Variants in DNAH11 observed in about 807,000 individuals in gnomAD.
DNAH11 encodes dynein axonemal heavy chain 11.
DNAH11 carries 442 observed loss-of-function variants against 526.0 expected under a neutral mutation model. That is an observed-to-expected ratio of 0.84 (90% confidence interval 0.78 to 0.91). The LOEUF (loss-of-function observed/expected upper bound fraction) is 0.91. Ranked by LOEUF, DNAH11 falls within the 40% of genes least tolerant of loss-of-function variation. DNAH11 has a pLI of 0.00. For missense variants in DNAH11, 6,989 were observed against 5,448.7 expected (o/e 1.28, Z -8.90); for synonymous variants, 2,461 against 1,935.9 (o/e 1.27, Z -7.12).
Position 21,601,020 on chromosome 7 carries a change from A to T in DNAH11, c.3266A>T (p.Tyr1089Phe). 1.2e-6 allele frequency: 2 copies of T among 1,610,906 alleles called. No homozygotes were observed. Among genetic ancestry groups the T allele is most frequent in the South Asian group, 2.2e-5 (2 of 89,948 alleles). ...TTTTTCTCACTACAGATTGACATTT[A>T]TGAAGCTTTGTATGTTCAAATGAGC... is the stretch of plus-strand genomic sequence containing the variant. The part of the protein sequence containing the change: ...LEQFKEQIDI[Y>F]EALYVQMSKF... The change falls in exon 17 of 82, where the codon TAT (tyrosine) becomes TTT (phenylalanine). Residue 1089 changes from tyrosine (Y) to phenylalanine (F), a missense_variant. Transcript: ENST00000409508.
In DNAH11 at chr7:21,816,557, A is replaced by G; in HGVS notation, c.10423A>G (p.Ser3475Gly). 6.2e-7 allele frequency: 1 copy of G among 1,613,320 alleles called. No homozygotes were observed. The highest frequency in any genetic ancestry group is 8.5e-7 in the Non-Finnish European group (1 of 1,179,714). Reference protein sequence around the residue: ...IAAWNNEGLPSDRMSTENAAI... With the variant: ...IAAWNNEGLPGDRMSTENAAI... ...CGCCTGGAATAACGAAGGACTGCCCAGTGACAGAATGTCCACCGAAAATGC... is the reference window on the plus strand; with the variant it reads ...CGCCTGGAATAACGAAGGACTGCCCGGTGACAGAATGTCCACCGAAAATGC... Residue 3475 changes from serine (S) to glycine (G), a missense_variant, in exon 64 of 82, where the codon AGT becomes GGT. Transcript: ENST00000409508.
At chr7:21,548,362 AATAG>A in intron 2 of DNAH11, among the ~76,000 whole-genome samples, 1 of 152,214 alleles carries the variant, frequency 6.6e-6, no homozygotes, top group South Asian at 2.1e-4. Context: ...TGTTGAATAT[AATAG>A]ATATAGTTAA....
At chr7:21,596,366 G>C (rs920777325) in intron 14 of DNAH11, among the ~76,000 whole-genome samples, 2 of 152,192 alleles carry the variant, frequency 1.3e-5, no homozygotes, top group African/African-American at 2.4e-5. Context: ...AGAATCTCAG[G>C]GGTGTCCTGA....
rs1193657850 is a variant in DNAH11, at chr7:21,789,281, A to T, written c.9965A>T (p.Gln3322Leu). The change falls in exon 61 of 82, where the codon CAA becomes CTA. Residue 3322 changes from glutamine (Q) to leucine (L), a missense_variant. Gln to Leu is a moderately radical substitution (Grantham distance 113, BLOSUM62 -2). Transcript: ENST00000409508. ...GAGCCAAAACGCCAAGCATTAGCCC[A>T]AGCAAACTTAGAACTGGCTGCAGCT... ...DVEPKRQALA[Q>L]ANLELAAATE... 1 of 1,578,392 alleles carries T rather than the reference A, an allele frequency of 6.3e-7. No homozygotes were observed. Among genetic ancestry groups the T allele is most frequent in the Non-Finnish European group, 8.6e-7 (1 of 1,161,632 alleles).
intron 65 of DNAH11, among the ~76,000 whole-genome samples, chr7:21,840,848 A>G (rs1562577649): frequency 6.6e-6 from 1 of 152,224 alleles, no homozygotes; most frequent in African/African-American, 2.4e-5. Flanking sequence ...TTGCAGTTAC[A>G]GGAAGCCAAT....
At chr7:21,707,916 T>C (rs1027360151) in intron 40 of DNAH11, 81 bp downstream of exon 40, 2 of 1,430,142 alleles carry the variant, frequency 1.4e-6, no homozygotes. Flanking sequence ...ATTTTAGTCA[T>C]AGTCGCAGAC....
Position 21,550,487 on chromosome 7 carries a change from G to T in DNAH11, c.495+5338G>T, listed in dbSNP as rs6975736. On this transcript the variant is annotated intron_variant, in intron 2 of 81. Coordinates refer to ENST00000409508, the MANE Select transcript of DNAH11 (RefSeq NM_001277115.2). ...AGGATCTCATATAATAACTTGTAGA[G>T]GGATAATCCCAAGTCTTTTCTTGGG... 3.5e-3 allele frequency among the ~76,000 whole-genome samples: 526 copies of T among 152,060 alleles called. 5 individuals carry two copies. Among genetic ancestry groups the T allele is most frequent in the African/African-American group, 0.012 (487 of 41,464 alleles).
At chr7:21,813,725 A>T (rs957699190) in intron 63 of DNAH11, among the ~76,000 whole-genome samples, 1 of 152,142 alleles carries the variant, frequency 6.6e-6, no homozygotes, top group Admixed American at 6.5e-5. Context: ...GCTCCACCTC[A>T]TAGTAACATC....
At position 21,601,557 on chromosome 7, in the gene DNAH11, C is replaced by A. The variant is rs779537030; in HGVS notation, c.3587C>A (p.Thr1196Lys). 6.2e-7 allele frequency: 1 copy of A among 1,610,762 alleles called. No individual in the cohort carries two copies. The highest frequency in any genetic ancestry group is 1.7e-5 in the Admixed American group (1 of 59,858). The change falls in exon 18 of 82, where the codon ACG (threonine) becomes AAG (lysine). Residue 1196 changes from threonine to lysine, a missense_variant. By Grantham distance (78) the Thr-to-Lys change is moderately conservative (BLOSUM62 -1). Transcript: ENST00000409508. ...TDELFEPLKE[T>K]ITLLESYGQK... ...GAACTCTTTGAACCTCTAAAAGAAA[C>A]GATCACCCTCTTGGAAAGCTATGGC...
In DNAH11 at chr7:21,892,658, A is replaced by C. The variant is rs777902021; in HGVS notation, c.12741A>C (p.Thr4247=). 1.2e-5 allele frequency: 20 copies of C among 1,601,278 alleles called. No homozygotes were observed. The highest frequency in any genetic ancestry group is 1.7e-5 in the Non-Finnish European group (20 of 1,173,432). Reference sequence around the variant, plus strand: ...GTGGTGATGAACTGGGGCAGTCTACAGAAGAAAAGGTAGAGGGTCTTTCCT... The same window carrying C: ...GTGGTGATGAACTGGGGCAGTCTACCGAAGAAAAGGTAGAGGGTCTTTCCT... The part of the protein sequence containing the change: ...ALSGDELGQS[T]EEKVKNVLDD... The change falls in exon 77 of 82, where the codon ACA becomes ACC. Residue 4247 remains threonine, a synonymous_variant. Transcript: ENST00000409508.
intron 76 of DNAH11, among the ~76,000 whole-genome samples, 196 bp downstream of exon 76, chr7:21,884,606 T>C (rs140397800): frequency 1.2e-4 from 18 of 152,326 alleles, no homozygotes; most frequent in African/African-American, 4.3e-4. Flanking sequence ...TTTTCACAAG[T>C]CTTCCAGGTG....
intron 54 of DNAH11, among the ~76,000 whole-genome samples, chr7:21,751,078 C>G (rs1786392905): frequency 6.6e-6 from 1 of 152,158 alleles, no homozygotes; most frequent in South Asian, 2.1e-4. Flanking sequence ...AATCCCAGCA[C>G]TTTAGGAAGC....
chr7:21,733,325 T>G (rs1056508293), intron 45 of DNAH11, among the ~76,000 whole-genome samples: 1 of 152,042 alleles, frequency 6.6e-6, no homozygotes, highest in Non-Finnish European at 1.5e-5. Context: ...GAGGCAGAGT[T>G]TGCAGTGAGC....
At chr7:21,892,362 G>C in intron 76 of DNAH11, 63 bp from the exon 77 acceptor site, 8 of 1,557,736 alleles carry the variant, frequency 5.1e-6, no homozygotes, top group Non-Finnish European at 6.1e-6. Context: ...TCGAAGTGTT[G>C]AGGAAGTGAA....
chr7:21,839,356 C>G (rs961776368), intron 65 of DNAH11, among the ~76,000 whole-genome samples: 1 of 151,918 alleles, frequency 6.6e-6, no homozygotes, highest in African/African-American at 2.4e-5. Context: ...GGGCAAATCA[C>G]GAGGTCAGGA....
intron 65 of DNAH11, among the ~76,000 whole-genome samples, chr7:21,834,397 C>T (rs1313094841): frequency 1.3e-5 from 2 of 152,062 alleles, no homozygotes; most frequent in African/African-American, 2.4e-5. Context: ...GAAGGGATCT[C>T]AAACTACCCA....
intron 14 of DNAH11, among the ~76,000 whole-genome samples, chr7:21,597,734 T>C (rs1784917374): frequency 6.6e-6 from 1 of 152,214 alleles, no homozygotes; most frequent in Non-Finnish European, 1.5e-5. Flanking sequence ...GAGATTACAA[T>C]TCAAGTTTAG....
chr7:21,790,891 G>A (rs1788453777), intron 61 of DNAH11, among the ~76,000 whole-genome samples: 1 of 152,214 alleles, frequency 6.6e-6, no homozygotes, highest in Admixed American at 6.5e-5. Flanking sequence ...AATTTTATCC[G>A]ATTGGTGATA....
intron 14 of DNAH11, among the ~76,000 whole-genome samples, chr7:21,594,555 G>A (rs574678123): frequency 2.6e-5 from 4 of 152,106 alleles, no homozygotes; most frequent in Non-Finnish European, 5.9e-5. Context: ...GGGTGGGGTC[G>A]AGGATGCAGT....
Sources: gnomAD v4.1 joint callset for allele counts (sites outside exome capture counted in the v4.1 genomes callset) on GRCh38, gnomAD v4.1.1 for gene constraint, MANE v1.5 for transcripts, NCBI Gene and HGNC (gene_info 2026-07-23, HGNC 2026-07-21) for gene names.